ZBTB7C: variants seen among roughly 807,000 people sequenced by gnomAD.
ZBTB7C encodes the protein zinc finger and BTB domain-containing protein 7C.
A neutral mutation model predicts 25.7 loss-of-function variants in ZBTB7C; 8 were observed. That is an observed-to-expected ratio of 0.31 (90% CI 0.18 to 0.56). ZBTB7C has a LOEUF of 0.56. ZBTB7C is among the 20% of genes least tolerant of loss of function. ZBTB7C has a pLI of 0.91. For synonymous variants in ZBTB7C, 394 were observed against 369.0 expected (o/e 1.07, Z -0.78); for missense variants, 824 against 855.2 (o/e 0.96, Z 0.46).
At chr18:48,227,019 C>CAAAAAAAAAAAAAAAA (rs1187830776) in intron 2 of ZBTB7C, among the ~76,000 whole-genome samples, 1 of 56,122 alleles carries the variant, frequency 1.8e-5, no homozygotes, top group African/African-American at 5.9e-5. Flanking sequence ...GACTCCATCT[C>CAAAAAAAAAAAAAAAA]AAAAAAAAAA....
At chr18:48,236,685 G>A (rs959567090) in intron 2 of ZBTB7C, among the ~76,000 whole-genome samples, 3 of 152,232 alleles carry the variant, frequency 2.0e-5, no homozygotes, top group Non-Finnish European at 4.4e-5. Flanking sequence ...TAGATGGGAT[G>A]TGTGAATAGT....
At chr18:48,370,975 C>T (rs1440953340) in intron 1 of ZBTB7C, among the ~76,000 whole-genome samples, 1 of 152,010 alleles carries the variant, frequency 6.6e-6, no homozygotes, top group Non-Finnish European at 1.5e-5. Context: ...AAAGCAGGCA[C>T]GAGGCAGGAG....
At chr18:48,268,958 C>CTTTTTTTTTTTTTTTTTTTTTTTTT (rs140699441) in intron 2 of ZBTB7C, among the ~76,000 whole-genome samples, 1 of 118,996 alleles carries the variant, frequency 8.4e-6, no homozygotes, top group African/African-American at 3.2e-5. Context: ...TGCTCTGTTT[C>CTTTTTTTTTTTTTTTTTTTTTTTTT]TTTTTTTTTT....
intron 3 of ZBTB7C, among the ~76,000 whole-genome samples, chr18:48,060,507 C>T (rs1484186154): frequency 6.6e-6 from 1 of 152,070 alleles, no homozygotes; most frequent in Non-Finnish European, 1.5e-5. Context: ...CTGCTGGTTC[C>T]CTCCACCTTC....
intron 2 of ZBTB7C, among the ~76,000 whole-genome samples, chr18:48,233,311 ATATTG>A (rs2043301113): frequency 6.6e-6 from 1 of 152,192 alleles, no homozygotes; most frequent in African/African-American, 2.4e-5. Flanking sequence ...CAGCACCTTG[ATATTG>A]GACTTGCCAG....
chr18:48,029,763 A>G lies in ZBTB7C; in HGVS notation c.1357T>C (p.Cys453Arg). ...TCAGAGCGCGTGAAGCTCTTGTAGC[A>G]GAACTCGCACTGGTAGGGCCGCACG... The part of the protein sequence containing the change: ...TGVRPYQCEF[C>R]YKSFTRSDHL... Residue 453 changes from cysteine (C) to arginine (R), a missense_variant, in exon 5 of 5, where the codon TGC becomes CGC. This residue lies in a region of ZBTB7C where 342 missense variants were observed against 307.0 expected (regional missense o/e 1.11). Coordinates refer to ENST00000590800, the MANE Select transcript of ZBTB7C (RefSeq NM_001318841.2). The G allele has an allele frequency of 6.2e-7, 1 of 1,608,568 alleles. No homozygotes were observed.
chr18:48,110,692 G>A (rs1366151849), intron 3 of ZBTB7C, among the ~76,000 whole-genome samples: 2 of 152,130 alleles, frequency 1.3e-5, no homozygotes, highest in Non-Finnish European at 2.9e-5. Flanking sequence ...ATCTCGCCAA[G>A]CAGCCCTTCC....
chr18:48,194,512 A>C (rs2042271981), intron 2 of ZBTB7C, among the ~76,000 whole-genome samples: 1 of 152,204 alleles, frequency 6.6e-6, no homozygotes, highest in Non-Finnish European at 1.5e-5. Context: ...GATCATGCCC[A>C]GTAAGCTCAG....
chr18:48,321,414 G>C (rs1399490447), intron 2 of ZBTB7C, among the ~76,000 whole-genome samples: 1 of 152,186 alleles, frequency 6.6e-6, no homozygotes, highest in East Asian at 1.9e-4. Context: ...TACCTCACAT[G>C]ATGGGCTGGA....
chr18:48,106,060 A>G (rs532407152), intron 3 of ZBTB7C, among the ~76,000 whole-genome samples: 2 of 152,388 alleles, frequency 1.3e-5, no homozygotes, highest in African/African-American at 2.4e-5. Context: ...CTAAATGGCA[A>G]TCCTAATGTG....
intron 3 of ZBTB7C, among the ~76,000 whole-genome samples, chr18:48,173,814 C>T (rs2041577904): frequency 6.6e-6 from 1 of 152,232 alleles, no homozygotes; most frequent in South Asian, 2.1e-4. Context: ...CCTGGTAGGT[C>T]CTGTCACTGG....
chr18:48,137,103 G>A, intron 3 of ZBTB7C: 1 of 985,472 alleles, frequency 1.0e-6, no homozygotes, highest in Non-Finnish European at 1.2e-6. Flanking sequence ...CTGCTCGCGG[G>A]AGCCTGCCGC....
At chr18:48,094,445 A>G (rs1414554653) in intron 3 of ZBTB7C, among the ~76,000 whole-genome samples, 1 of 152,196 alleles carries the variant, frequency 6.6e-6, no homozygotes, top group Non-Finnish European at 1.5e-5. Context: ...CCTCTTCTGT[A>G]AAACGAGAGA....
At chr18:48,060,394 T>A (rs530141209) in intron 3 of ZBTB7C, among the ~76,000 whole-genome samples, 1 of 152,162 alleles carries the variant, frequency 6.6e-6, no homozygotes, top group Admixed American at 6.5e-5. Context: ...CTCCCAAACC[T>A]TGGCTGAGAC....
intron 2 of ZBTB7C, among the ~76,000 whole-genome samples, chr18:48,264,861 T>A (rs939576099): frequency 1.3e-5 from 2 of 152,126 alleles, no homozygotes; most frequent in African/African-American, 4.8e-5. Flanking sequence ...GTCGTCTCAA[T>A]CAACCCCCAC....
chr18:48,297,950 T>C (rs890084552), intron 2 of ZBTB7C, among the ~76,000 whole-genome samples: 5 of 152,150 alleles, frequency 3.3e-5, no homozygotes, highest in African/African-American at 1.2e-4. Context: ...CCACCTCTTG[T>C]CTGTGCAGTC....
chr18:48,265,097 A>G (rs771065579), intron 2 of ZBTB7C, among the ~76,000 whole-genome samples: 38 of 152,286 alleles, frequency 2.5e-4, no homozygotes, highest in South Asian at 1.5e-3. Flanking sequence ...TTTAGCAAGA[A>G]TCAACCCTAT....
chr18:48,297,941 C>T (rs142163490), intron 2 of ZBTB7C, among the ~76,000 whole-genome samples: 4 of 152,236 alleles, frequency 2.6e-5, no homozygotes, highest in Non-Finnish European at 5.9e-5. Flanking sequence ...ATGCAAACTC[C>T]ACCTCTTGTC....
intron 3 of ZBTB7C, among the ~76,000 whole-genome samples, chr18:48,048,326 TG>T (rs925808348): frequency 6.6e-6 from 1 of 152,182 alleles, no homozygotes; most frequent in African/African-American, 2.4e-5. Context: ...GAATCCGGAA[TG>T]GATCTGGAGA....
Sources: gnomAD v4.1 joint callset for allele counts (sites outside exome capture counted in the v4.1 genomes callset) on GRCh38, gnomAD v4.1.1 for gene constraint, gnomAD v4.1.1 regional missense constraint, MANE v1.5 for transcripts, NCBI Gene and HGNC (gene_info 2026-07-23, HGNC 2026-07-21) for gene names.